PBRM1: variants seen among roughly 807,000 people sequenced by gnomAD.
PBRM1 encodes the protein protein polybromo-1.
PBRM1 carries 27 observed loss-of-function variants against 194.5 expected under a neutral mutation model. The ratio of observed to expected loss-of-function variants is 0.14; its 90% CI spans 0.10 to 0.19. The LOEUF (loss-of-function observed/expected upper bound fraction) is 0.19, where lower values mean the gene tolerates loss of function less well. PBRM1 is among the 10% of genes least tolerant of loss of function. The pLI is 1.00. For missense variants in PBRM1, 1,466 were observed against 2,077.2 expected (o/e 0.71, Z 5.72); for synonymous variants, 655 against 693.2 (o/e 0.94, Z 0.87).
At chr3:52,578,447 C>T (rs566992597) in intron 21 of PBRM1, among the ~76,000 whole-genome samples, 2 of 152,174 alleles carry the variant, frequency 1.3e-5, no homozygotes, top group Non-Finnish European at 2.9e-5. Flanking sequence ...ACCTAAGGAC[C>T]TACAACTAAC....
chr3:52,672,049 A>G (rs2096960004), intron 2 of PBRM1, among the ~76,000 whole-genome samples: 1 of 152,242 alleles, frequency 6.6e-6, no homozygotes, highest in Non-Finnish European at 1.5e-5. Flanking sequence ...CAGAAGTCCA[A>G]AATGGGTCTC....
At chr3:52,645,077 T>A (rs1370314177) in intron 7 of PBRM1, among the ~76,000 whole-genome samples, 1 of 152,212 alleles carries the variant, frequency 6.6e-6, no homozygotes, top group African/African-American at 2.4e-5. Context: ...AATGCCCCAC[T>A]GTCCGTGGAG....
At chr3:52,667,302 CTAAAA>C (rs1188669413) in intron 3 of PBRM1, among the ~76,000 whole-genome samples, 1 of 151,856 alleles carries the variant, frequency 6.6e-6, no homozygotes, top group Non-Finnish European at 1.5e-5. Flanking sequence ...TTTGATTAAA[CTAAAA>C]TAAAACATTT....
exon 20 of PBRM1, chr3:52,586,482 C>G: frequency 6.2e-7 from 1 of 1,614,048 alleles, no homozygotes; most frequent in Non-Finnish European, 8.5e-7. Flanking sequence ...CTGTATTCTT[C>G]TCATCATCAC....
intron 20 of PBRM1, among the ~76,000 whole-genome samples, chr3:52,581,603 T>C (rs2091215536): frequency 6.6e-6 from 1 of 151,632 alleles, no homozygotes; most frequent in South Asian, 2.1e-4. Flanking sequence ...AGATTAATAA[T>C]ACCTTTTCCT....
chr3:52,596,723 G>A (rs182741795), intron 17 of PBRM1, among the ~76,000 whole-genome samples: 269 of 152,156 alleles, frequency 1.8e-3, no homozygotes, highest in Middle Eastern at 6.8e-3. Context: ...AAGCTGCAAG[G>A]CAAAGACCTC....
In PBRM1 at chr3:52,603,740, A is replaced by G. The variant is rs2094155867; in HGVS notation, c.2568-8T>C. On this transcript the variant is annotated splice_region_variant and splice_polypyrimidine_tract_variant and intron_variant, in intron 16 of 29. Transcript: ENST00000296302. Reference sequence around the variant, plus strand: ...TATATTTCTGAATCTGTCCTATAACAGCATCAAGAGTATCCATTGACATAC... The same window carrying G: ...TATATTTCTGAATCTGTCCTATAACGGCATCAAGAGTATCCATTGACATAC... 1.3e-6 allele frequency: 2 copies of G among 1,599,022 alleles called. No homozygotes were observed. Among genetic ancestry groups the G allele is most frequent in the South Asian group, 2.2e-5 (2 of 90,382 alleles).
At chr3:52,667,234 TGGGCA>T (rs1437140197) in intron 3 of PBRM1, among the ~76,000 whole-genome samples, 1 of 152,136 alleles carries the variant, frequency 6.6e-6, no homozygotes, top group Non-Finnish European at 1.5e-5. Flanking sequence ...AAGAATATCT[TGGGCA>T]AGAGGAATCT....
At chr3:52,604,990 T>A (rs1354577584) in intron 16 of PBRM1, among the ~76,000 whole-genome samples, 1 of 151,952 alleles carries the variant, frequency 6.6e-6, no homozygotes, top group Non-Finnish European at 1.5e-5. Flanking sequence ...AATAAATAAA[T>A]AAAATGTGGG....
rs543427403 is a variant in PBRM1, at chr3:52,659,712, C to T, written c.529-1397G>A. On this transcript the variant is annotated intron_variant, in intron 4 of 29. Transcript: ENST00000296302. ...TGTTGGGATTGCAGGCGTGAGCCAC[C>T]GCACCAGACCCAAGAAAATCATCCT... Among the ~76,000 whole-genome samples, 19 of 152,268 alleles carry T rather than the reference C, an allele frequency of 1.2e-4. No individual in the cohort carries two copies. The South Asian group carries it at 2.1e-3, about 17-fold the overall frequency.
chr3:52,599,018 CAAAAAAAAA>C (rs59170143), intron 17 of PBRM1, among the ~76,000 whole-genome samples: 8 of 114,376 alleles, frequency 7.0e-5, no homozygotes, highest in East Asian at 2.5e-4. Context: ...CCAGATATCT[CAAAAAAAAA>C]AAAAAAAAAA....
At chr3:52,678,756 AAT>A (rs1436529373) in intron 1 of PBRM1, among the ~76,000 whole-genome samples, 159 bp from the exon 3 acceptor site, 7 of 152,240 alleles carry the variant, frequency 4.6e-5, no homozygotes, top group Admixed American at 4.6e-4. Context: ...ATATGCTGAC[AAT>A]ATGTCTCCTT....
At chr3:52,675,426 A>G (rs2097076865) in intron 2 of PBRM1, among the ~76,000 whole-genome samples, 1 of 152,244 alleles carries the variant, frequency 6.6e-6, no homozygotes, top group African/African-American at 2.4e-5. Context: ...ACTACTGATC[A>G]ATATCCCTTA....
intron 17 of PBRM1, among the ~76,000 whole-genome samples, chr3:52,598,569 A>G (rs181846542): frequency 6.6e-6 from 1 of 152,276 alleles, no homozygotes; most frequent in East Asian, 1.9e-4. Flanking sequence ...TGAATATACC[A>G]CTTTTTGGGC....
intron 2 of PBRM1, among the ~76,000 whole-genome samples, chr3:52,669,270 A>T (rs2096901887): frequency 6.6e-6 from 1 of 152,182 alleles, no homozygotes; most frequent in Non-Finnish European, 1.5e-5. Context: ...AGAAATACAA[A>T]ATTTGGCTTA....
At position 52,658,615 on chromosome 3, in the gene PBRM1, G is replaced by A. The variant is rs900416643; in HGVS notation, c.529-300C>T. On this transcript the variant is annotated intron_variant, in intron 4 of 29. Coordinates refer to ENST00000296302, the Ensembl canonical transcript of PBRM1. ...TCACTATGTTGGCCAGGCTGGTCTCGAACTCCTCACCTCATGTCTGCCCAC... is the reference window on the plus strand; with the variant it reads ...TCACTATGTTGGCCAGGCTGGTCTCAAACTCCTCACCTCATGTCTGCCCAC... Among the ~76,000 whole-genome samples, 3 of 151,684 alleles carry A rather than the reference G, an allele frequency of 2.0e-5. No individual in the cohort carries two copies. In the East Asian group the frequency reaches 5.8e-4, roughly 29 times the overall value.
intron 11 of PBRM1, among the ~76,000 whole-genome samples, chr3:52,630,414 TAAATA>T (rs1339582183): frequency 1.1e-4 from 17 of 152,222 alleles, no homozygotes; most frequent in Non-Finnish European, 2.9e-5. Flanking sequence ...AAATTAAAAT[TAAATA>T]AAACTTAAAA....
At chr3:52,680,556 T>C (rs1191885985), upstream of PBRM1, among the ~76,000 whole-genome samples, 2 of 152,250 alleles carry the variant, frequency 1.3e-5, no homozygotes, top group Non-Finnish European at 2.9e-5. Flanking sequence ...AATGATCTGC[T>C]ACAGATAGTA....
At chr3:52,550,341 A>T in intron 29 of PBRM1, 80 bp downstream of exon 31, 1 of 582,542 alleles carries the variant, frequency 1.7e-6, no homozygotes, top group Non-Finnish European at 2.8e-6. Context: ...TGTTTATTGT[A>T]TGATATACTA....
Sources: gnomAD v4.1 joint callset for allele counts (sites outside exome capture counted in the v4.1 genomes callset) on GRCh38, gnomAD v4.1.1 for gene constraint, MANE v1.5 for transcripts, NCBI Gene and HGNC (gene_info 2026-07-23, HGNC 2026-07-21) for gene names.